Variants in NAALADL2 observed in about 807,000 individuals in gnomAD.
NAALADL2 encodes the protein N-acetylated alpha-linked acidic dipeptidase like 2, also known as inactive N-acetylated-alpha-linked acidic dipeptidase-like protein 2.
Under a neutral mutation model 87.2 loss-of-function variants are expected in NAALADL2, and 76 were observed. That is an observed-to-expected ratio of 0.87 (90% CI 0.72 to 1.05). NAALADL2 has a LOEUF of 1.05. Ranked by LOEUF, NAALADL2 falls within the 50% of genes least tolerant of loss-of-function variation. The probability of loss-of-function intolerance (pLI) is 0.00; values close to 1 mark genes in which losing one functional copy is unlikely to be tolerated. For missense variants in NAALADL2, 1,089 were observed against 945.8 expected, an observed-to-expected ratio of 1.15 and a Z score of -1.99; for synonymous variants, 354 against 331.0, an observed-to-expected ratio of 1.07 and a Z score of -0.75.
intron 2 of NAALADL2, among the ~76,000 whole-genome samples, chr3:174,731,021 A>G (rs1362100225): frequency 6.6e-6 from 1 of 152,068 alleles, no homozygotes; most frequent in Non-Finnish European, 1.5e-5. Context: ...AGTGCTAGCT[A>G]ATTATTACCA....
chr3:175,601,358 T>C (rs11710630), intron 10 of NAALADL2, among the ~76,000 whole-genome samples: 109,711 of 151,950 alleles, frequency 0.72, 40,013 homozygotes, highest in East Asian at 0.85. Flanking sequence ...TGCATTTCAC[T>C]AATGCTTTCT....
intron 11 of NAALADL2, among the ~76,000 whole-genome samples, chr3:175,734,479 C>A (rs1198149002): frequency 6.6e-6 from 1 of 152,016 alleles, no homozygotes; most frequent in Non-Finnish European, 1.5e-5. Context: ...ATGGTGTGAA[C>A]TCGGGAGGCG....
chr3:175,047,661 G>GA (rs1303213531), intron 1 of NAALADL2, among the ~76,000 whole-genome samples: 1 of 152,112 alleles, frequency 6.6e-6, no homozygotes, highest in Non-Finnish European at 1.5e-5. Context: ...GGTTTTAGAT[G>GA]AAATTTTACT....
At chr3:175,565,916 G>A (rs1717070251) in intron 9 of NAALADL2, among the ~76,000 whole-genome samples, 1 of 134,218 alleles carries the variant, frequency 7.5e-6, no homozygotes, top group East Asian at 2.2e-4. Context: ...CGCAACCTTC[G>A]CCTCCTGGGT....
intron 3 of NAALADL2, among the ~76,000 whole-genome samples, chr3:174,748,310 CT>C (rs1198221529): frequency 6.8e-6 from 1 of 146,610 alleles, no homozygotes; most frequent in African/African-American, 2.5e-5. Flanking sequence ...TATGCTAGAA[CT>C]TAAAAATAAA....
At chr3:175,750,745 A>G (rs1746523030) in intron 12 of NAALADL2, among the ~76,000 whole-genome samples, 1 of 152,172 alleles carries the variant, frequency 6.6e-6, no homozygotes, top group South Asian at 2.1e-4. Flanking sequence ...TCATTCTTAT[A>G]CACAATGAAC....
At chr3:175,800,939 G>A (rs1016617088) in intron 13 of NAALADL2, among the ~76,000 whole-genome samples, 43 of 152,270 alleles carry the variant, frequency 2.8e-4, no homozygotes, top group African/African-American at 7.2e-4. Flanking sequence ...TAAGGAAAGC[G>A]AATGACTTAC....
intron 9 of NAALADL2, among the ~76,000 whole-genome samples, chr3:175,485,760 A>C (rs1347704657): frequency 3.3e-5 from 5 of 152,094 alleles, no homozygotes; most frequent in African/African-American, 1.2e-4. Context: ...CAGTCCACTG[A>C]CTCAAATGTT....
chr3:175,266,616 T>C (rs180734357), intron 4 of NAALADL2, among the ~76,000 whole-genome samples: 3 of 151,844 alleles, frequency 2.0e-5, no homozygotes, highest in Non-Finnish European at 4.4e-5. Flanking sequence ...GTAGATAAAA[T>C]ACTCCTATTA....
chr3:174,469,226 ATGTGG>A (rs1716741289), intron 1 of NAALADL2, among the ~76,000 whole-genome samples: 1 of 151,536 alleles, frequency 6.6e-6, no homozygotes, highest in Admixed American at 6.6e-5. Flanking sequence ...TTTATTAGAA[ATGTGG>A]TATGTAGAAG....
At chr3:174,523,083 T>G (rs1720432511) in intron 1 of NAALADL2, among the ~76,000 whole-genome samples, 1 of 152,150 alleles carries the variant, frequency 6.6e-6, no homozygotes, top group African/African-American at 2.4e-5. Flanking sequence ...CCAGGTCTGC[T>G]GGTACCTTGC....
intron 1 of NAALADL2, among the ~76,000 whole-genome samples, chr3:174,910,711 A>G (rs1421851144): frequency 1.3e-5 from 2 of 152,018 alleles, no homozygotes; most frequent in African/African-American, 4.8e-5. Flanking sequence ...TCAACACTTC[A>G]ACAATATCAA....
Position 174,891,357 on chromosome 3 carries a change from C to T in NAALADL2, c.43+31907C>T, listed in dbSNP as rs527968915. Among the ~76,000 whole-genome samples, 8 of 152,110 alleles carry T rather than the reference C, an allele frequency of 5.3e-5. No individual in the cohort carries two copies. In the South Asian group the frequency reaches 1.5e-3, roughly 28 times the overall value. On this transcript the variant is annotated intron_variant, in intron 1 of 13. Coordinates refer to ENST00000454872, the MANE Select transcript of NAALADL2 (RefSeq NM_207015.3). ...TTATACGAACCCCAAATCATGTGAG[C>T]ACTCACAGTACCTGGTTTTAACTTT...
At chr3:175,693,871 G>A (rs1737382481) in intron 11 of NAALADL2, among the ~76,000 whole-genome samples, 1 of 151,984 alleles carries the variant, frequency 6.6e-6, no homozygotes, top group Non-Finnish European at 1.5e-5. Context: ...GCTAATTTTT[G>A]TATTTTTAGT....
At chr3:175,193,364 A>G (rs1023714794) in intron 2 of NAALADL2, among the ~76,000 whole-genome samples, 6 of 151,934 alleles carry the variant, frequency 3.9e-5, no homozygotes, top group African/African-American at 1.4e-4. Context: ...CAAGGAGAAC[A>G]CAACTATTCC....
At position 174,831,398 on chromosome 3, in the gene NAALADL2, G is replaced by A. The variant is rs1475621706; in HGVS notation, c.-9+93652G>A. ...TTTTTGTCTTTGGTTCTGTTTATAC[G>A]CTGGATTACATTTATTGATTTGCAT... On this transcript the variant is annotated intron_variant, in intron 3 of 3. Coordinates refer to the NAALADL2 transcript ENST00000434257. Among the ~76,000 whole-genome samples, 22 of 141,814 alleles carry A rather than the reference G, an allele frequency of 1.6e-4. 1 individual carries two copies. Among genetic ancestry groups the A allele is most frequent in the East Asian group, 5.8e-4 (3 of 5,156 alleles). The allele number at this position is 141,814 out of a possible 152,430, so 93.0% of individuals were successfully genotyped here. A position where few individuals can be genotyped will look rare whatever the true frequency, so the allele number is the denominator to read the frequency against.
chr3:175,411,691 A>C (rs1157658921), intron 5 of NAALADL2, among the ~76,000 whole-genome samples: 1 of 152,162 alleles, frequency 6.6e-6, no homozygotes, highest in Non-Finnish European at 1.5e-5. Context: ...GACTGTGTCC[A>C]TTTGAAATCC....
rs181907878 is a variant in NAALADL2 at position 174,712,871 on chromosome 3, T to C, written c.-114-24770T>C. Among the ~76,000 whole-genome samples, 668 of 152,304 alleles carry C rather than the reference T, an allele frequency of 4.4e-3. 3 individuals are homozygous for C. Among genetic ancestry groups the C allele is most frequent in the African/African-American group, 0.016 (646 of 41,568 alleles). On this transcript the variant is annotated intron_variant, in intron 2 of 3. Coordinates refer to the NAALADL2 transcript ENST00000434257. ...ACAACGTGCAGGTTAGTTACGTATGTATACATGTGCCATGTTGGTGTGCTG... is the reference window on the plus strand; with the variant it reads ...ACAACGTGCAGGTTAGTTACGTATGCATACATGTGCCATGTTGGTGTGCTG...
At chr3:175,511,250 T>C (rs964702073) in intron 9 of NAALADL2, among the ~76,000 whole-genome samples, 1 of 152,152 alleles carries the variant, frequency 6.6e-6, no homozygotes, top group Non-Finnish European at 1.5e-5. Context: ...AAGGGCTGAA[T>C]TGTGTTCTCT....
Sources: gnomAD v4.1 joint callset for allele counts (sites outside exome capture counted in the v4.1 genomes callset) on GRCh38, gnomAD v4.1.1 for gene constraint, MANE v1.5 for transcripts, NCBI Gene and HGNC (gene_info 2026-07-23, HGNC 2026-07-21) for gene names.